The following SLC39A12 variants were observed in gnomAD, a reference collection of about 807,000 sequenced individuals.
SLC39A12 encodes the protein solute carrier family 39 member 12.
A neutral mutation model predicts 71.1 loss-of-function variants in SLC39A12; 63 were observed. The observed-to-expected ratio is 0.89, with a 90% confidence interval of 0.72 to 1.09. SLC39A12 has a LOEUF of 1.09. Among genes scored for constraint, SLC39A12 ranks in the 50% least tolerant of loss-of-function variants. SLC39A12 has a pLI of 0.00. For missense variants in SLC39A12, 892 were observed against 812.6 expected (o/e 1.10, Z -1.19); for synonymous variants, 351 against 301.3 (o/e 1.16, Z -1.71).
At chr10:18,035,037 C>G (rs1301578805) in intron 12 of SLC39A12, among the ~76,000 whole-genome samples, 1 of 147,152 alleles carries the variant, frequency 6.8e-6, no homozygotes, top group East Asian at 2.0e-4. Flanking sequence ...TGATGGGCTT[C>G]CCTTTGAGGG....
intron 12 of SLC39A12, among the ~76,000 whole-genome samples, chr10:18,040,502 G>T (rs1837192639): frequency 6.6e-6 from 1 of 152,120 alleles, no homozygotes; most frequent in Non-Finnish European, 1.5e-5. Context: ...AGGCATGGTG[G>T]CTCATGCCTG....
Position 17,953,338 on chromosome 10 carries a change from T to G in SLC39A12, c.62T>G (p.Val21Gly). The G allele has an allele frequency of 1.9e-6, 3 of 1,614,102 alleles. No homozygotes were observed. The highest frequency in any genetic ancestry group is 2.5e-6 in the Non-Finnish European group (3 of 1,180,002). ...WVPLFLLLSR[V>G]FSTETDKPSA... ...CCATTGTTTCTTCTACTCAGCCGTGTTTTTTCTACTGAGACAGACAAACCC... is the reference window on the plus strand; with the variant it reads ...CCATTGTTTCTTCTACTCAGCCGTGGTTTTTCTACTGAGACAGACAAACCC... Residue 21 changes from valine (V) to glycine (G), a missense_variant, in exon 2 of 13, where the codon GTT becomes GGT. Physicochemically the swap from Val to Gly is moderately radical, Grantham distance 109. Coordinates refer to ENST00000377369, the MANE Select transcript of SLC39A12 (RefSeq NM_001145195.2).
chr10:17,982,638 A>G (rs1017475485), intron 6 of SLC39A12, among the ~76,000 whole-genome samples: 9 of 152,218 alleles, frequency 5.9e-5, no homozygotes, highest in Non-Finnish European at 1.2e-4. Context: ...AATAGTGAGC[A>G]GCCAAATAAC....
intron 12 of SLC39A12, among the ~76,000 whole-genome samples, chr10:18,034,249 GGT>G (rs1413460803): frequency 1.3e-5 from 2 of 149,308 alleles, no homozygotes; most frequent in Non-Finnish European, 3.0e-5. Context: ...TTGACAGTGG[GGT>G]GTTAAAGTCT....
intron 12 of SLC39A12, among the ~76,000 whole-genome samples, chr10:18,037,435 T>C (rs1837084566): frequency 6.6e-6 from 1 of 152,204 alleles, no homozygotes; most frequent in Admixed American, 6.5e-5. Context: ...ATCTTTGCAG[T>C]TCTTTGTATG....
intron 12 of SLC39A12, among the ~76,000 whole-genome samples, chr10:18,036,792 A>ATT (rs1176352939): frequency 7.1e-4 from 60 of 84,552 alleles, no homozygotes; most frequent in East Asian, 1.3e-3. Context: ...ATATATATAT[A>ATT]TATTTTTTTT....
chr10:18,005,938 A>G (rs954228380), intron 12 of SLC39A12: 1 of 152,156 alleles, frequency 6.6e-6, no homozygotes, highest in Non-Finnish European at 1.5e-5. Context: ...CAACTTCTAA[A>G]CAAACGCAGC....
At chr10:18,013,349 A>T (rs11012101) in intron 12 of SLC39A12, among the ~76,000 whole-genome samples, 3,485 of 21,450 alleles carry the variant, frequency 0.16, 141 homozygotes, top group African/African-American at 0.4. Flanking sequence ...AACTTTATTT[A>T]TTATTATTAT....
rs189686459 is a variant in SLC39A12 at position 17,983,532 on chromosome 10, C to A, written c.1096+2049C>A. Among the ~76,000 whole-genome samples the A allele has an allele frequency of 3.1e-3, 465 of 152,066 alleles. 7 individuals are homozygous for A. Among genetic ancestry groups the A allele is most frequent in the Non-Finnish European group, 8.7e-4 (59 of 67,982 alleles). On this transcript the variant is annotated intron_variant, in intron 6 of 12. Coordinates refer to ENST00000377369, the MANE Select transcript of SLC39A12 (RefSeq NM_001145195.2). ...GGCACAGTGGCTTATGCCTGTAATC[C>A]CAGCACTTTGGGAGGCCAAGGTGGG...
At chr10:17,988,795 C>T (rs1835469055) in intron 7 of SLC39A12, among the ~76,000 whole-genome samples, 1 of 152,312 alleles carries the variant, frequency 6.6e-6, no homozygotes, top group African/African-American at 2.4e-5. Flanking sequence ...GGCTACGTCT[C>T]CAGTGGACAG....
chr10:17,978,497 CT>C (rs906398199), intron 5 of SLC39A12, among the ~76,000 whole-genome samples: 1 of 152,162 alleles, frequency 6.6e-6, no homozygotes, highest in Non-Finnish European at 1.5e-5. Context: ...GAAGTTGACT[CT>C]TTCAGACTCA....
intron 2 of SLC39A12, among the ~76,000 whole-genome samples, chr10:17,959,116 T>C (rs1834622850): frequency 6.6e-6 from 1 of 152,192 alleles, no homozygotes; most frequent in African/African-American, 2.4e-5. Context: ...TCCATTTTTT[T>C]ATTTACACTT....
At chr10:17,965,300 C>T (rs1834796016) in intron 3 of SLC39A12, among the ~76,000 whole-genome samples, 183 bp from the exon 4 acceptor site, 1 of 151,992 alleles carries the variant, frequency 6.6e-6, no homozygotes, top group African/African-American at 2.4e-5. Flanking sequence ...GGTAGATAAA[C>T]ACATAATTTT....
At chr10:18,010,784 T>C (rs984590603) in intron 12 of SLC39A12, among the ~76,000 whole-genome samples, 3 of 152,184 alleles carry the variant, frequency 2.0e-5, no homozygotes, top group African/African-American at 7.2e-5. Flanking sequence ...AAAATGCAGT[T>C]GGCCCTAGAA....
At chr10:17,959,941 CAGG>C (rs1157794105) in intron 2 of SLC39A12, among the ~76,000 whole-genome samples, 2 of 152,192 alleles carry the variant, frequency 1.3e-5, no homozygotes, top group Non-Finnish European at 2.9e-5. Context: ...GATGGATTAA[CAGG>C]AGAAATAGCA....
chr10:18,007,511 CAG>C (rs1267931895), intron 12 of SLC39A12, among the ~76,000 whole-genome samples: 5 of 152,046 alleles, frequency 3.3e-5, no homozygotes, highest in African/African-American at 1.2e-4. Context: ...AGAAAGAATT[CAG>C]AGAGAGTCCA....
intron 12 of SLC39A12, 146 bp downstream of exon 12, chr10:18,003,504 C>A: frequency 1.5e-6 from 1 of 669,918 alleles, no homozygotes; most frequent in South Asian, 3.5e-5. Context: ...TCTTTGTACT[C>A]CAAGAAAGTG....
intron 12 of SLC39A12, among the ~76,000 whole-genome samples, chr10:18,011,403 T>G (rs1014414686): frequency 3.9e-5 from 6 of 152,234 alleles, no homozygotes; most frequent in African/African-American, 7.2e-5. Flanking sequence ...TATGACTTTC[T>G]TAATAACATT....
At position 17,987,722 on chromosome 10, in the gene SLC39A12, T is replaced by A. The variant is rs1177826747; in HGVS notation, c.1269+71T>A. 2.0e-6 allele frequency: 3 copies of A among 1,524,902 alleles called. No individual in the cohort carries two copies. The African/African-American group carries it at 4.1e-5, about 21-fold the overall frequency. The allele number at this position is 1,524,902 out of a possible 1,614,324, so 94.5% of individuals were successfully genotyped here. On this transcript the variant is annotated intron_variant, in intron 7 of 12. Transcript: ENST00000377369. ...TTCACTTTTAACCACTGGAGGTATT[T>A]ATGCAAAATTTTACTGAGACTTCAA...
Sources: allele counts gnomAD v4.1 joint callset (sites outside exome capture counted in the v4.1 genomes callset), GRCh38; gene constraint gnomAD v4.1.1; transcripts MANE v1.5; gene names NCBI Gene and HGNC (gene_info 2026-07-23, HGNC 2026-07-21).